Variants in IFT46 observed in about 807,000 individuals in gnomAD.
The protein encoded by IFT46 is intraflagellar transport 46.
Under a neutral mutation model 39.6 loss-of-function variants are expected in IFT46, and 19 were observed. The observed-to-expected ratio is 0.48, with a 90% CI of 0.33 to 0.70. The LOEUF (loss-of-function observed/expected upper bound fraction) is 0.70. IFT46 is among the 30% of genes least tolerant of loss of function. The pLI is 0.01. For synonymous variants in IFT46, 117 were observed against 134.8 expected, an observed-to-expected ratio of 0.87 and a Z score of 0.91; for missense variants, 334 against 364.8, an observed-to-expected ratio of 0.92 and a Z score of 0.69.
chr11:118,570,348 C>T (rs1555072167), upstream of IFT46, among the ~76,000 whole-genome samples: 3 of 152,128 alleles, frequency 2.0e-5, no homozygotes. Context: ...GCGTGAGCCA[C>T]CGCGCCCAGC....
chr11:118,550,705 A>G (rs1385525095), intron 9 of IFT46, among the ~76,000 whole-genome samples: 1 of 152,156 alleles, frequency 6.6e-6, no homozygotes, highest in Non-Finnish European at 1.5e-5. Context: ...GTCTCATTAT[A>G]CCCTAATTCT....
upstream of IFT46, among the ~76,000 whole-genome samples, chr11:118,567,723 T>C (rs1341572705): frequency 6.6e-6 from 1 of 152,210 alleles, no homozygotes; most frequent in Non-Finnish European, 1.5e-5. Flanking sequence ...TAGAACTGCA[T>C]TTAAAAAAAA....
intron 9 of IFT46, chr11:118,547,089 G>C (rs148209505): frequency 6.6e-6 from 1 of 152,284 alleles, no homozygotes; most frequent in African/African-American, 2.4e-5. Flanking sequence ...TGGATGTACT[G>C]CAACCTAGCT....
At chr11:118,551,716 G>T in intron 9 of IFT46, 70 bp downstream of exon 9, 2 of 1,008,826 alleles carry the variant, frequency 2.0e-6, no homozygotes, top group Non-Finnish European at 3.0e-6. Flanking sequence ...AATGGAGGAA[G>T]AGAAAAAACA....
At position 118,559,773 on chromosome 11, in the gene IFT46, G is replaced by T; in HGVS notation, c.45+12C>A. ...GCAGAAATTCTACAAGAAGCTGTGAGTTTTACTGTACCTTGTTATTTTCCT... is the reference window on the plus strand; with the variant it reads ...GCAGAAATTCTACAAGAAGCTGTGATTTTTACTGTACCTTGTTATTTTCCT... On this transcript the variant is annotated intron_variant, in intron 3 of 11. Coordinates refer to ENST00000264021, the MANE Select transcript of IFT46 (RefSeq NM_001168618.2). 6.2e-7 allele frequency: 1 copy of T among 1,608,116 alleles called. No individual in the cohort carries two copies. Among genetic ancestry groups the T allele is most frequent in the East Asian group, 2.2e-5 (1 of 44,816 alleles).
intron 2 of IFT46, chr11:118,560,611 A>G: frequency 5.2e-6 from 2 of 382,156 alleles, no homozygotes; most frequent in Non-Finnish European, 9.7e-6. Context: ...ACTTAAAATG[A>G]TTTTGCCTTT....
intron 7 of IFT46, among the ~76,000 whole-genome samples, chr11:118,554,188 C>A (rs1157147278): frequency 6.0e-5 from 9 of 151,012 alleles, no homozygotes; most frequent in Admixed American, 5.9e-4. Flanking sequence ...GTAGCTGGGA[C>A]TACAGGCGCC....
upstream of IFT46, among the ~76,000 whole-genome samples, chr11:118,574,623 C>A (rs1418814877): frequency 6.6e-6 from 1 of 151,960 alleles, no homozygotes; most frequent in Non-Finnish European, 1.5e-5. Context: ...AATAAATTCC[C>A]TTTGGCTTTA....
intron 3 of IFT46, chr11:118,557,525 C>CT: frequency 1.7e-6 from 1 of 574,584 alleles, no homozygotes; most frequent in Admixed American, 3.3e-5. Flanking sequence ...CTGCTTGAAA[C>CT]TATCAAAAGA....
upstream of IFT46, among the ~76,000 whole-genome samples, chr11:118,576,104 C>T (rs1350623824): frequency 6.6e-6 from 1 of 151,806 alleles, no homozygotes; most frequent in East Asian, 1.9e-4. Flanking sequence ...AATTAAGTGA[C>T]TTATCCAAGG....
At chr11:118,572,439 C>T in intron 1 of IFT46, 1 of 1,126,650 alleles carries the variant, frequency 8.9e-7, no homozygotes, top group Non-Finnish European at 1.2e-6. Context: ...GGCAGCGGTT[C>T]CTGTCAAGGG....
chr11:118,551,052 T>C (rs1203865215), intron 9 of IFT46, among the ~76,000 whole-genome samples: 3 of 147,038 alleles, frequency 2.0e-5, no homozygotes, highest in Non-Finnish European at 4.5e-5. Flanking sequence ...AAAAACTATC[T>C]TTCTTATATA....
At chr11:118,546,330 T>C (rs1231123542) in intron 9 of IFT46, 8 of 587,162 alleles carry the variant, frequency 1.4e-5, no homozygotes, top group Non-Finnish European at 2.5e-5. Context: ...AAATTCCATC[T>C]CTACAAAAAA....
Position 118,561,381 on chromosome 11 carries a change from C to G in IFT46, c.-35-1517G>C, listed in dbSNP as rs1321430427. On this transcript the variant is annotated intron_variant, in intron 2 of 11. Transcript: ENST00000264021. ...TCTCAATGCATAAAGAAGAGCGTAA[C>G]TCCAGACATGATGGAAGAGATGTAT... 5.9e-6 allele frequency: 5 copies of G among 846,048 alleles called. No individual in the cohort carries two copies. The East Asian group carries it at 1.2e-4, about 20-fold the overall frequency. 52.4% of individuals were successfully genotyped at this position (846,048 alleles called of 1,614,324 possible). A position where few individuals can be genotyped will look rare whatever the true frequency, so the allele number is the denominator to read the frequency against.
intron 7 of IFT46, among the ~76,000 whole-genome samples, chr11:118,552,825 C>T (rs1182883387): frequency 2.0e-5 from 3 of 151,116 alleles, no homozygotes; most frequent in Admixed American, 1.3e-4. Context: ...GTGGCTCACA[C>T]CTGCAGTCCT....
chr11:118,570,001 C>T (rs1185391001), upstream of IFT46, among the ~76,000 whole-genome samples: 3 of 151,070 alleles, frequency 2.0e-5, no homozygotes, highest in Non-Finnish European at 4.4e-5. Flanking sequence ...CATGCCTCAG[C>T]TTCCCAGATA....
chr11:118,566,018 A>G (rs1158168789), upstream of IFT46: 4 of 152,192 alleles, frequency 2.6e-5, no homozygotes, highest in African/African-American at 9.6e-5. Flanking sequence ...CCACGCAGGA[A>G]GAAGATCAAG....
At chr11:118,558,656 C>A (rs1937923695) in intron 3 of IFT46, among the ~76,000 whole-genome samples, 1 of 151,910 alleles carries the variant, frequency 6.6e-6, no homozygotes, top group African/African-American at 2.4e-5. Flanking sequence ...TGGCTCACAC[C>A]TGTAATCCCA....
upstream of IFT46, among the ~76,000 whole-genome samples, chr11:118,575,409 C>CA (rs1290273402): frequency 1.5e-4 from 19 of 130,800 alleles, no homozygotes; most frequent in African/African-American, 5.1e-4. Flanking sequence ...AAACTGATAA[C>CA]GGGTGTGTGT....
Sources: gnomAD v4.1 joint callset for allele counts (sites outside exome capture counted in the v4.1 genomes callset) on GRCh38, gnomAD v4.1.1 for gene constraint, MANE v1.5 for transcripts, NCBI Gene and HGNC (gene_info 2026-07-23, HGNC 2026-07-21) for gene names.